Variants in CYRIB observed in about 807,000 individuals in gnomAD.
CYRIB encodes the protein CYFIP related Rac1 interactor B, also known as CYFIP-related Rac1 interactor B.
Under a neutral mutation model 44.2 loss-of-function variants are expected in CYRIB, and 8 were observed. The observed-to-expected ratio is 0.18, with a 90% confidence interval of 0.11 to 0.33. CYRIB has a LOEUF of 0.33. Ranked by LOEUF, CYRIB falls within the 10% of genes least tolerant of loss-of-function variation. CYRIB has a pLI of 1.00. For synonymous variants in CYRIB, 131 were observed against 127.2 expected (o/e 1.03, Z -0.20); for missense variants, 185 against 382.8 (o/e 0.48, Z 4.31).
chr8:129,864,153 GT>G (rs2051926272), intron 4 of CYRIB, among the ~76,000 whole-genome samples: 1 of 152,214 alleles, frequency 6.6e-6, no homozygotes, highest in Non-Finnish European at 1.5e-5. Flanking sequence ...TCAAATTGAT[GT>G]TTTATTCAAT....
chr8:129,988,259 G>C (rs1318944718), intron 1 of CYRIB, among the ~76,000 whole-genome samples: 1 of 152,200 alleles, frequency 6.6e-6, no homozygotes, highest in Non-Finnish European at 1.5e-5. Flanking sequence ...CTTCCGGCCG[G>C]CTCTCTTCCT....
At chr8:129,922,633 G>T (rs993454680) in intron 1 of CYRIB, among the ~76,000 whole-genome samples, 1 of 151,920 alleles carries the variant, frequency 6.6e-6, no homozygotes, top group African/African-American at 2.4e-5. Flanking sequence ...GGAGGCCGAG[G>T]CGGGCGGATC....
intron 11 of CYRIB, among the ~76,000 whole-genome samples, chr8:129,845,894 A>G (rs528005886): frequency 5.1e-4 from 78 of 152,350 alleles, no homozygotes; most frequent in African/African-American, 1.8e-3. Flanking sequence ...CTGTAATCTC[A>G]GCACTCTGGG....
intron 5 of CYRIB, among the ~76,000 whole-genome samples, chr8:129,860,865 G>GA (rs34972546): frequency 1.4e-3 from 185 of 129,232 alleles, no homozygotes; most frequent in Non-Finnish European, 1.5e-3. Flanking sequence ...GAGGCTTAAA[G>GA]AAAAAAAAAA....
At chr8:129,852,800 T>C (rs1047011662) in intron 7 of CYRIB, among the ~76,000 whole-genome samples, 5 of 152,156 alleles carry the variant, frequency 3.3e-5, no homozygotes, top group African/African-American at 1.2e-4. Context: ...ATATTCAGTG[T>C]AATAAGGGGC....
At chr8:129,850,459 T>C (rs150764567) in intron 9 of CYRIB, 96 of 177,126 alleles carry the variant, frequency 5.4e-4, no homozygotes, top group Non-Finnish European at 8.9e-4. Context: ...GGCAAAAGGG[T>C]AAGATTCTTT....
intron 1 of CYRIB, among the ~76,000 whole-genome samples, chr8:129,935,323 G>A (rs1025897147): frequency 1.1e-4 from 16 of 152,192 alleles, no homozygotes; most frequent in African/African-American, 3.9e-4. Flanking sequence ...ACCAGGAAAT[G>A]GTTTTGTGGA....
chr8:129,900,562 T>G (rs974056103), intron 2 of CYRIB, among the ~76,000 whole-genome samples: 16 of 152,218 alleles, frequency 1.1e-4, no homozygotes, highest in African/African-American at 3.6e-4. Flanking sequence ...TGCAAGTCTC[T>G]ACCTTTTTCT....
chr8:129,948,018 C>T (rs1296159154), intron 2 of CYRIB: 1 of 152,186 alleles, frequency 6.6e-6, no homozygotes, highest in Admixed American at 6.6e-5. Flanking sequence ...TTTTTTCCCT[C>T]TGTGTTTGTA....
At position 129,851,087 on chromosome 8, in the gene CYRIB, C is replaced by T. The variant is rs184325246; in HGVS notation, c.634-173G>A. On this transcript the variant is annotated intron_variant, in intron 8 of 11. Coordinates refer to ENST00000519824, the Ensembl canonical transcript of CYRIB. ...GCAACTGTTCCAAGCACTGGGGATA[C>T]AGCTATGAGCAAGACAGCGAAGGCA... is the stretch of plus-strand genomic sequence containing the variant. The T allele has an allele frequency of 4.7e-3, 2,720 of 581,820 alleles. 23 individuals are homozygous for T. Among genetic ancestry groups the T allele is most frequent in the Non-Finnish European group, 4.3e-3 (1,427 of 329,398 alleles). 36.0% of individuals were successfully genotyped at this position (581,820 alleles called of 1,614,324 possible).
At chr8:129,905,091 T>A (rs1205802120) in intron 1 of CYRIB, among the ~76,000 whole-genome samples, 1 of 152,214 alleles carries the variant, frequency 6.6e-6, no homozygotes, top group South Asian at 2.1e-4. Flanking sequence ...GGGCTATACG[T>A]GCATGAACCA....
chr8:129,984,991 G>A (rs534951288), intron 1 of CYRIB, among the ~76,000 whole-genome samples: 10 of 152,194 alleles, frequency 6.6e-5, no homozygotes, highest in South Asian at 2.1e-4. Flanking sequence ...GGCTGGTCTC[G>A]AACTCCTGAC....
intron 1 of CYRIB, among the ~76,000 whole-genome samples, chr8:129,974,721 T>TC (rs1423316487): frequency 6.6e-6 from 1 of 151,542 alleles, no homozygotes; most frequent in East Asian, 1.9e-4. Flanking sequence ...ATCACAGATT[T>TC]TTTTTTTTTT....
At position 130,000,257 on chromosome 8, in the gene CYRIB, C is replaced by A. The variant is rs769315396; in HGVS notation, c.-296+16113G>T. Among the ~76,000 whole-genome samples, 7 of 152,284 alleles carry A rather than the reference C, an allele frequency of 4.6e-5. No individual in the cohort carries two copies. In the East Asian group the frequency reaches 1.2e-3, roughly 25 times the overall value. On this transcript the variant is annotated intron_variant, in intron 1 of 14. Transcript: ENST00000401979. ...GGATAGAGACGGGGAAGACAATGAG[C>A]AAACCTAGGGTTTTTTCTGGACATT...
chr8:129,855,147 GA>G (rs1257324999), intron 6 of CYRIB, among the ~76,000 whole-genome samples: 3 of 152,144 alleles, frequency 2.0e-5, no homozygotes, highest in Non-Finnish European at 4.4e-5. Flanking sequence ...AAGGTTAAAT[GA>G]AGACTGCTGA....
At chr8:129,894,933 T>A (rs1210890173) in intron 2 of CYRIB, among the ~76,000 whole-genome samples, 1 of 149,706 alleles carries the variant, frequency 6.7e-6, no homozygotes, top group Non-Finnish European at 1.5e-5. Flanking sequence ...ATATATATTT[T>A]TTTAATTAAT....
At chr8:129,946,859 G>A (rs540353349) in intron 2 of CYRIB, among the ~76,000 whole-genome samples, 1 of 152,220 alleles carries the variant, frequency 6.6e-6, no homozygotes, top group African/African-American at 2.4e-5. Flanking sequence ...GTTCCCTTCT[G>A]TACCTCAAGT....
At chr8:129,840,843 T>A (rs1239393212) in exon 12 of CYRIB, 1 of 152,254 alleles carries the variant, frequency 6.6e-6, no homozygotes, top group Non-Finnish European at 1.5e-5. Context: ...AAGCTGTGTG[T>A]GCCATGATCT....
At chr8:129,933,105 G>A (rs749722026) in intron 1 of CYRIB, among the ~76,000 whole-genome samples, 4 of 152,248 alleles carry the variant, frequency 2.6e-5, no homozygotes, top group Non-Finnish European at 5.9e-5. Context: ...AAAAGAAATG[G>A]TGTAAGTAAT....
Sources: allele counts gnomAD v4.1 joint callset (sites outside exome capture counted in the v4.1 genomes callset), GRCh38; gene constraint gnomAD v4.1.1; transcripts MANE v1.5; gene names NCBI Gene and HGNC (gene_info 2026-07-23, HGNC 2026-07-21).